NWD2: variants seen among roughly 807,000 people sequenced by gnomAD.
NWD2 encodes the protein NACHT and WD repeat domain containing 2.
NWD2 carries 37 observed loss-of-function variants against 132.7 expected under a neutral mutation model. The ratio of observed to expected loss-of-function variants is 0.28; its 90% CI spans 0.21 to 0.37. The LOEUF is 0.37. NWD2 is among the 10% of genes least tolerant of loss of function. The probability of loss-of-function intolerance (pLI) is 1.00; values close to 1 mark genes in which losing one functional copy is unlikely to be tolerated. For synonymous variants in NWD2, 705 were observed against 803.0 expected, an observed-to-expected ratio of 0.88 and a Z score of 2.06; for missense variants, 1,592 against 2,122.4, an observed-to-expected ratio of 0.75 and a Z score of 4.91.
Position 37,287,662 on chromosome 4 carries a change from G to C in NWD2, c.152-38274G>C, listed in dbSNP as rs972006945. Among the ~76,000 whole-genome samples the C allele has an allele frequency of 5.3e-5, 8 of 152,296 alleles. No homozygotes were observed. The South Asian group carries it at 8.3e-4, about 16-fold the overall frequency. ...AATCTCCCTGGGCATGAGCCCCTAG[G>C]GGGAGGGGTGGCCGCAGTCTTTGCA... On this transcript the variant is annotated intron_variant, in intron 1 of 6. Coordinates refer to ENST00000309447, the MANE Select transcript of NWD2 (RefSeq NM_001144990.2).
chr4:37,401,705 C>G (rs1720898088), intron 3 of NWD2, among the ~76,000 whole-genome samples: 1 of 152,200 alleles, frequency 6.6e-6, no homozygotes, highest in African/African-American at 2.4e-5. Flanking sequence ...TACTATCCAC[C>G]TTGAGGCCTT....
At chr4:37,440,984 A>C (rs1712466885) in intron 6 of NWD2, among the ~76,000 whole-genome samples, 1 of 152,184 alleles carries the variant, frequency 6.6e-6, no homozygotes, top group East Asian at 1.9e-4. Flanking sequence ...ACATAATCTC[A>C]AATTGGTCCT....
intron 3 of NWD2, among the ~76,000 whole-genome samples, chr4:37,369,729 G>T (rs929737666): frequency 6.6e-6 from 1 of 152,110 alleles, no homozygotes; most frequent in African/African-American, 2.4e-5. Context: ...AAAGGTAGAG[G>T]GGGGGTCAAA....
chr4:37,441,231 T>C (rs1250431690), intron 6 of NWD2, among the ~76,000 whole-genome samples: 1 of 152,230 alleles, frequency 6.6e-6, no homozygotes, highest in Non-Finnish European at 1.5e-5. Context: ...AGGGTCCACA[T>C]TGCATTGCAT....
At chr4:37,289,573 A>G (rs746484407) in intron 1 of NWD2, among the ~76,000 whole-genome samples, 5 of 152,198 alleles carry the variant, frequency 3.3e-5, no homozygotes. Flanking sequence ...TTATCAGTGT[A>G]TTCTGCTCTT....
intron 3 of NWD2, among the ~76,000 whole-genome samples, chr4:37,404,824 A>G (rs1396192037): frequency 3.9e-5 from 6 of 152,208 alleles, no homozygotes; most frequent in Non-Finnish European, 7.3e-5. Flanking sequence ...AACAGTAGCA[A>G]TAGAGAGAGG....
intron 2 of NWD2, among the ~76,000 whole-genome samples, chr4:37,354,860 T>G (rs896157257): frequency 5.3e-5 from 8 of 152,232 alleles, no homozygotes; most frequent in Admixed American, 3.3e-4. Context: ...AGATAAGCCA[T>G]AAATGTTTTC....
intron 1 of NWD2, among the ~76,000 whole-genome samples, chr4:37,303,698 C>A (rs967624374): frequency 6.6e-6 from 1 of 151,998 alleles, no homozygotes. Flanking sequence ...TTTTTTGTTA[C>A]AATTACAAAT....
chr4:37,342,142 G>A (rs1244026249), intron 2 of NWD2, among the ~76,000 whole-genome samples: 1 of 152,152 alleles, frequency 6.6e-6, no homozygotes, highest in Non-Finnish European at 1.5e-5. Context: ...GGTGGGAGGT[G>A]TTTGGGTCAC....
chr4:37,306,571 C>T lies in NWD2; in HGVS notation c.152-19365C>T, dbSNP rs968553105. Among the ~76,000 whole-genome samples the T allele has an allele frequency of 2.0e-5, 3 of 152,124 alleles. No individual in the cohort carries two copies. The East Asian group carries it at 5.8e-4, about 29-fold the overall frequency. ...ATTTCTTCCTTTACCCATTCAGGAGCATGTTGTTTAATTTCCATGTATTTG... is the reference window on the plus strand; with the variant it reads ...ATTTCTTCCTTTACCCATTCAGGAGTATGTTGTTTAATTTCCATGTATTTG... On this transcript the variant is annotated intron_variant, in intron 1 of 6. Transcript: ENST00000309447.
At chr4:37,372,303 T>G (rs1250635093) in intron 3 of NWD2, among the ~76,000 whole-genome samples, 2 of 152,210 alleles carry the variant, frequency 1.3e-5, no homozygotes, top group African/African-American at 4.8e-5. Context: ...TCATTTATTC[T>G]TCCTAGTAAT....
chr4:37,368,384 A>G (rs1158421304), intron 3 of NWD2, among the ~76,000 whole-genome samples: 2 of 152,170 alleles, frequency 1.3e-5, no homozygotes, highest in Middle Eastern at 3.2e-3. Flanking sequence ...TGTATTTTCC[A>G]TTGTTGTCCA....
intron 1 of NWD2, among the ~76,000 whole-genome samples, chr4:37,289,816 C>T (rs766531434): frequency 6.6e-6 from 1 of 152,184 alleles, no homozygotes; most frequent in Non-Finnish European, 1.5e-5. Flanking sequence ...CCACTCCTCA[C>T]CCCTAGAGGC....
intron 1 of NWD2, among the ~76,000 whole-genome samples, chr4:37,256,581 G>T (rs2109257398): frequency 6.6e-6 from 1 of 152,212 alleles, no homozygotes; most frequent in Non-Finnish European, 1.5e-5. Flanking sequence ...GTGTGATAAG[G>T]AAAGTTAACC....
Position 37,444,424 on chromosome 4 carries a change from C to A in NWD2, c.2436C>A (p.Asp812Glu), listed in dbSNP as rs756787424. 9.0e-6 allele frequency: 14 copies of A among 1,552,050 alleles called. No homozygotes were observed. In the South Asian group the frequency reaches 1.2e-4, roughly 13 times the overall value. ...EQASFDRQAPDQPWVFQCNPL... is the reference protein window; with the variant it reads ...EQASFDRQAPEQPWVFQCNPL... ...CTTCCTTTGACAGGCAGGCTCCAGACCAGCCCTGGGTTTTCCAGTGTAATC... is the reference window on the plus strand; with the variant it reads ...CTTCCTTTGACAGGCAGGCTCCAGAACAGCCCTGGGTTTTCCAGTGTAATC... The change falls in exon 7 of 7, where the codon GAC becomes GAA. Residue 812 changes from aspartate to glutamate, a missense_variant. Transcript: ENST00000309447. This position sits in a 1 kb window ranked among gnomAD's most constrained non-coding sequence, Gnocchi z 4.8.
intron 1 of NWD2, among the ~76,000 whole-genome samples, chr4:37,312,579 G>T (rs567229651): frequency 2.7e-5 from 4 of 150,674 alleles, no homozygotes; most frequent in African/African-American, 7.5e-5. Flanking sequence ...CTGCAAACAG[G>T]GACAATTTGA....
chr4:37,375,317 TCTC>T (rs1351049188), intron 3 of NWD2, among the ~76,000 whole-genome samples: 1 of 152,218 alleles, frequency 6.6e-6, no homozygotes, highest in African/African-American at 2.4e-5. Context: ...TTGCCTATAA[TCTC>T]ATCATTCAAA....
intron 5 of NWD2, among the ~76,000 whole-genome samples, chr4:37,438,124 G>A (rs1306300239): frequency 6.6e-6 from 1 of 152,074 alleles, no homozygotes; most frequent in Non-Finnish European, 1.5e-5. Flanking sequence ...AGCCGGGCAT[G>A]GTGGCGGGTG....
At chr4:37,335,390 T>G (rs1266436686) in intron 2 of NWD2, among the ~76,000 whole-genome samples, 1 of 151,966 alleles carries the variant, frequency 6.6e-6, no homozygotes, top group African/African-American at 2.4e-5. Flanking sequence ...TTCTATGAGA[T>G]TCCAGAGTAC....
Sources: allele counts gnomAD v4.1 joint callset (sites outside exome capture counted in the v4.1 genomes callset), GRCh38; gene constraint gnomAD v4.1.1; non-coding constraint Gnocchi (gnomAD v3.1); transcripts MANE v1.5; gene names NCBI Gene and HGNC (gene_info 2026-07-23, HGNC 2026-07-21).